Variants in MEI4 observed in about 807,000 individuals in gnomAD.
MEI4 encodes meiotic double-stranded break formation protein 4.
A neutral mutation model predicts 31.4 loss-of-function variants in MEI4; 27 were observed. That is an observed-to-expected ratio of 0.86 (90% confidence interval 0.63 to 1.19). The LOEUF (loss-of-function observed/expected upper bound fraction) is 1.19, where lower values mean the gene tolerates loss of function less well. MEI4 is among the 50% of genes most tolerant of loss of function. The pLI, the probability that MEI4 is intolerant of heterozygous loss-of-function variation, is 0.00. For missense variants in MEI4, 329 were observed against 398.9 expected (o/e 0.82, Z 1.49); for synonymous variants, 122 against 145.4 (o/e 0.84, Z 1.16).
At chr6:77,873,800 T>C (rs1319364072) in intron 4 of MEI4, among the ~76,000 whole-genome samples, 3 of 152,206 alleles carry the variant, frequency 2.0e-5, no homozygotes, top group African/African-American at 7.2e-5. Context: ...AAGGAAGGGA[T>C]CCAGTTTCAG....
At chr6:77,806,162 C>G (rs1196316718) in intron 3 of MEI4, among the ~76,000 whole-genome samples, 1 of 152,110 alleles carries the variant, frequency 6.6e-6, no homozygotes, top group Non-Finnish European at 1.5e-5. Context: ...GCATAGATAA[C>G]ATGCTGTTAA....
At chr6:77,744,249 A>G (rs543223336) in intron 2 of MEI4, among the ~76,000 whole-genome samples, 4 of 152,310 alleles carry the variant, frequency 2.6e-5, no homozygotes, top group Non-Finnish European at 4.4e-5. Flanking sequence ...TATAACTAGA[A>G]TAACCAATAC....
chr6:77,725,010 C>G (rs1766790017), intron 2 of MEI4, among the ~76,000 whole-genome samples: 1 of 136,568 alleles, frequency 7.3e-6, no homozygotes, highest in South Asian at 2.3e-4. Flanking sequence ...AATAATGGCC[C>G]AATCATTCCA....
At chr6:77,776,212 T>A (rs776903810) in intron 3 of MEI4, among the ~76,000 whole-genome samples, 1 of 152,004 alleles carries the variant, frequency 6.6e-6, no homozygotes, top group Non-Finnish European at 1.5e-5. Context: ...AAGCAAAGAC[T>A]CTTTTTCTAA....
rs894289340 is a variant in MEI4 at position 77,847,894 on chromosome 6, A to G, written c.900+18832A>G. The stretch of plus-strand genomic sequence containing the variant: ...TCTTACTGACCCTGAAACTCACATT[A>G]CTTGTTTTCCAAGCTGTAATTCACT... On this transcript the variant is annotated intron_variant, in intron 4 of 4. Transcript: ENST00000684080. The surrounding 1 kb of genome is among the most constrained non-coding windows in gnomAD (Gnocchi z 4.6). Among the ~76,000 whole-genome samples the G allele has an allele frequency of 6.6e-6, 1 of 152,204 alleles. No homozygotes were observed. Among genetic ancestry groups the G allele is most frequent in the Non-Finnish European group, 1.5e-5 (1 of 68,038 alleles).
chr6:77,651,093 G>T (rs1406634699), upstream of MEI4, among the ~76,000 whole-genome samples: 1 of 152,202 alleles, frequency 6.6e-6, no homozygotes, highest in Non-Finnish European at 1.5e-5. Context: ...TGAGGGTAAA[G>T]GGTGAACTTG....
At chr6:77,886,007 C>T (rs922871592) in intron 4 of MEI4, among the ~76,000 whole-genome samples, 1 of 152,092 alleles carries the variant, frequency 6.6e-6, no homozygotes, top group Non-Finnish European at 1.5e-5. Context: ...TAGGATAAAT[C>T]CCACCTGATT....
rs1247876878 is a variant in MEI4, at chr6:77,680,128, A to AAAAAAAAAAT, written c.-14-10529_-14-10528insAAAAAAAATA. Among the ~76,000 whole-genome samples the AAAAAAAAAAT allele has an allele frequency of 9.9e-4, 114 of 115,592 alleles. 5 individuals are homozygous for AAAAAAAAAAT. The highest frequency in any genetic ancestry group is 1.9e-3 in the Non-Finnish European group (99 of 52,404). 75.8% of individuals were successfully genotyped at this position (115,592 alleles called of 152,430 possible). ...CTACTAAAAATACAAAAAAAAAAAA[A>AAAAAAAAAAT]ATTAGCTGGGCGTGATGGCGGGCGC... On this transcript the variant is annotated intron_variant, in intron 1 of 4. Coordinates refer to ENST00000684080, the MANE Select transcript of MEI4 (RefSeq NM_001322247.2).
chr6:77,784,010 A>G (rs1244548674), intron 3 of MEI4, among the ~76,000 whole-genome samples: 1 of 152,100 alleles, frequency 6.6e-6, no homozygotes, highest in African/African-American at 2.4e-5. Context: ...GCTACAGAGA[A>G]CTCCAGTGTG....
intron 4 of MEI4, among the ~76,000 whole-genome samples, chr6:77,878,320 A>C (rs1771394672): frequency 6.6e-6 from 1 of 152,164 alleles, no homozygotes; most frequent in Non-Finnish European, 1.5e-5. Context: ...TCCAAACATG[A>C]AGTGTTAAAT....
chr6:77,687,245 C>T (rs1769074942), intron 1 of MEI4, among the ~76,000 whole-genome samples: 1 of 151,950 alleles, frequency 6.6e-6, no homozygotes, highest in South Asian at 2.1e-4. Context: ...ATACTTTAAA[C>T]TATTAAGAAT....
chr6:77,842,762 G>A (rs544849550), intron 4 of MEI4, among the ~76,000 whole-genome samples: 5 of 152,066 alleles, frequency 3.3e-5, no homozygotes, highest in African/African-American at 1.2e-4. Flanking sequence ...ATCATTGCAG[G>A]TGTTAAGAGG....
At chr6:77,868,133 G>C (rs1464599766) in intron 4 of MEI4, among the ~76,000 whole-genome samples, 1 of 151,656 alleles carries the variant, frequency 6.6e-6, no homozygotes, top group Non-Finnish European at 1.5e-5. Context: ...ACGAATTAAT[G>C]GGTGCAGCAC....
In MEI4 at chr6:77,887,555, CCAAAGTGCTGGGAT is replaced by C. The variant is rs1467556435; in HGVS notation, c.901-35533_901-35520del. On this transcript the variant is annotated intron_variant, in intron 4 of 4. Coordinates refer to ENST00000684080, the MANE Select transcript of MEI4 (RefSeq NM_001322247.2). Reference sequence around the variant, plus strand: ...CAGATGATCCACCCCCCTCAGCCTCCCAAAGTGCTGGGATTACAGGCGACAGCCACCGCACCCGG... The same window carrying C: ...CAGATGATCCACCCCCCTCAGCCTCCTACAGGCGACAGCCACCGCACCCGG... 5.3e-5 allele frequency among the ~76,000 whole-genome samples: 8 copies of C among 152,236 alleles called. No individual in the cohort carries two copies. The South Asian group carries it at 1.5e-3, about 28-fold the overall frequency.
At chr6:77,801,273 T>C (rs1256509591) in intron 3 of MEI4, among the ~76,000 whole-genome samples, 1 of 152,250 alleles carries the variant, frequency 6.6e-6, no homozygotes, top group East Asian at 1.9e-4. Flanking sequence ...TTCTAGTTTA[T>C]TTGCATAGAG....
In MEI4 at chr6:77,781,856, T is replaced by G. The variant is rs932728642; in HGVS notation, c.768+20191T>G. ...CTCCTGATAGCCCAAGGCCCTGTACTCTGCTGTTGTCTTTTCTCTAAGCTC... is the reference window on the plus strand; with the variant it reads ...CTCCTGATAGCCCAAGGCCCTGTACGCTGCTGTTGTCTTTTCTCTAAGCTC... On this transcript the variant is annotated intron_variant, in intron 3 of 4. Coordinates refer to ENST00000684080, the MANE Select transcript of MEI4 (RefSeq NM_001322247.2). 3.3e-5 allele frequency among the ~76,000 whole-genome samples: 5 copies of G among 152,164 alleles called. No individual in the cohort carries two copies. The South Asian group carries it at 1.0e-3, about 32-fold the overall frequency.
chr6:77,824,853 T>C lies in MEI4; in HGVS notation c.769-4078T>C, dbSNP rs147489275. Among the ~76,000 whole-genome samples, 81 of 152,290 alleles carry C rather than the reference T, an allele frequency of 5.3e-4. 2 individuals are homozygous for C. The highest frequency in any genetic ancestry group is 1.4e-3 in the African/African-American group (60 of 41,584). On this transcript the variant is annotated intron_variant, in intron 3 of 4. Coordinates refer to ENST00000684080, the MANE Select transcript of MEI4 (RefSeq NM_001322247.2). The stretch of plus-strand genomic sequence containing the variant: ...TTCCAATAGACATAATTAGTTGGTT[T>C]AAGTTTATTTCCTTCATTAGTAGGG...
intron 3 of MEI4, among the ~76,000 whole-genome samples, chr6:77,827,947 C>T (rs951665145): frequency 2.0e-5 from 3 of 151,996 alleles, no homozygotes; most frequent in Non-Finnish European, 4.4e-5. Context: ...CATCAGTGTT[C>T]TCCAATAGGA....
chr6:77,744,553 T>A (rs2127674357), intron 2 of MEI4, among the ~76,000 whole-genome samples: 1 of 152,194 alleles, frequency 6.6e-6, no homozygotes, highest in South Asian at 2.1e-4. Context: ...TTTCAGGATA[T>A]TATCCAGGAG....
Sources: gnomAD v4.1 joint callset for allele counts (sites outside exome capture counted in the v4.1 genomes callset) on GRCh38, gnomAD v4.1.1 for gene constraint, Gnocchi (gnomAD v3.1) non-coding constraint, MANE v1.5 for transcripts, NCBI Gene and HGNC (gene_info 2026-07-23, HGNC 2026-07-21) for gene names.